The following ZNF431 variants were observed in gnomAD, a reference collection of about 807,000 sequenced individuals.
ZNF431 encodes the protein zinc finger protein 431.
A neutral mutation model predicts 57.0 loss-of-function variants in ZNF431; 34 were observed. The ratio of observed to expected loss-of-function variants is 0.60; its 90% confidence interval spans 0.45 to 0.79. The LOEUF (loss-of-function observed/expected upper bound fraction) is 0.79. Ranked by LOEUF, ZNF431 falls within the 30% of genes least tolerant of loss-of-function variation. The probability of loss-of-function intolerance (pLI) is 0.00; values close to 1 mark genes in which losing one functional copy is unlikely to be tolerated. For missense variants in ZNF431, 607 were observed against 667.1 expected, an observed-to-expected ratio of 0.91 and a Z score of 0.99; for synonymous variants, 207 against 220.3, an observed-to-expected ratio of 0.94 and a Z score of 0.54.
At chr19:21,159,968 C>T (rs1206338347) in intron 2 of ZNF431, among the ~76,000 whole-genome samples, 2 of 134,912 alleles carry the variant, frequency 1.5e-5, no homozygotes, top group African/African-American at 5.6e-5. Context: ...TACTTATATT[C>T]ATGTTGCCTC....
chr19:21,173,672 C>A (rs1057335423), intron 4 of ZNF431, among the ~76,000 whole-genome samples: 4 of 151,832 alleles, frequency 2.6e-5, no homozygotes, highest in Non-Finnish European at 5.9e-5. Flanking sequence ...GTTACAGGTG[C>A]CCGCCACCAT....
chr19:21,174,090 C>T (rs1028130701), intron 4 of ZNF431, among the ~76,000 whole-genome samples: 10 of 151,940 alleles, frequency 6.6e-5, no homozygotes, highest in Admixed American at 3.3e-4. Context: ...GGATTACAGG[C>T]GCCAAAATTA....
intron 2 of ZNF431, among the ~76,000 whole-genome samples, chr19:21,146,692 T>C (rs539877035): frequency 6.6e-6 from 1 of 152,332 alleles, no homozygotes; most frequent in African/African-American, 2.4e-5. Flanking sequence ...TAGGTTTTAT[T>C]TGACTTCTTT....
intron 4 of ZNF431, among the ~76,000 whole-genome samples, chr19:21,171,712 ATT>A (rs550012306): frequency 0.014 from 1,240 of 90,812 alleles, 10 homozygotes; most frequent in Non-Finnish European, 0.016. Context: ...ATATATATAT[ATT>A]TTTTTTTTTT....
At chr19:21,169,072 A>G (rs1166492097) in intron 4 of ZNF431, among the ~76,000 whole-genome samples, 1 of 151,892 alleles carries the variant, frequency 6.6e-6, no homozygotes, top group Non-Finnish European at 1.5e-5. Context: ...GCACCAGCCC[A>G]GCTAAATTTT....
intron 4 of ZNF431, among the ~76,000 whole-genome samples, chr19:21,178,146 T>G (rs1971112537): frequency 6.6e-6 from 1 of 152,160 alleles, no homozygotes; most frequent in East Asian, 1.9e-4. Context: ...ATTGAAATGT[T>G]TGTGATTTTG....
At chr19:21,142,253 G>A (rs376459906) in intron 1 of ZNF431, 67 bp downstream of exon 1, 1 of 1,609,162 alleles carries the variant, frequency 6.2e-7, no homozygotes, top group African/African-American at 1.3e-5. Context: ...GGAAGTGGCT[G>A]TGGCGGGACT....
rs1971298462 is a variant in ZNF431, at chr19:21,184,091, A to G, written c.*57A>G. On this transcript the variant is annotated 3_prime_UTR_variant, in exon 5 of 5. Coordinates refer to ENST00000311048, the MANE Select transcript of ZNF431 (RefSeq NM_133473.4). Reference sequence around the variant, plus strand: ...TTGGCCGGGTGCGGTGGCTTATGCAAAATGGCTCCCAGCATTTTGGGAGGC... The same window carrying G: ...TTGGCCGGGTGCGGTGGCTTATGCAGAATGGCTCCCAGCATTTTGGGAGGC... 6.8e-7 allele frequency: 1 copy of G among 1,461,998 alleles called. No homozygotes were observed. The highest frequency in any genetic ancestry group is 1.5e-5 in the South Asian group (1 of 68,708). The allele number at this position is 1,461,998 out of a possible 1,614,324, so 90.6% of individuals were successfully genotyped here.
In ZNF431 at chr19:21,194,677, C is replaced by G. The variant is rs572657014; in HGVS notation, c.*10643C>G. 3.9e-5 allele frequency: 6 copies of G among 152,134 alleles called. No homozygotes were observed. In the South Asian group the frequency reaches 1.2e-3, roughly 32 times the overall value. The allele number at this position is 152,134 out of a possible 1,614,324, so 9.4% of individuals were successfully genotyped here. On this transcript the variant is annotated 3_prime_UTR_variant, in exon 5 of 5. Transcript: ENST00000311048. ...AGAGATCGAGTTTTGCTGTGTTGGC[C>G]AGGCTGGTCTCAAACTCCCGGCGTC...
chr19:21,153,874 GC>G (rs1970345777), intron 2 of ZNF431, among the ~76,000 whole-genome samples: 2 of 152,078 alleles, frequency 1.3e-5, no homozygotes, highest in African/African-American at 4.8e-5. Flanking sequence ...CCACCACCAT[GC>G]CCGTCTAATT....
chr19:21,160,974 C>T (rs1056992379), intron 2 of ZNF431, among the ~76,000 whole-genome samples: 1 of 152,080 alleles, frequency 6.6e-6, no homozygotes. Context: ...TCAAGACTAT[C>T]CTGGCCAACA....
chr19:21,183,052 A>G lies in ZNF431; in HGVS notation c.749A>G (p.His250Arg). The G allele has an allele frequency of 6.2e-7, 1 of 1,614,132 alleles. No individual in the cohort carries two copies. The highest frequency in any genetic ancestry group is 8.5e-7 in the Non-Finnish European group (1 of 1,179,962). The change falls in exon 5 of 5, where the codon CAC (histidine) becomes CGC (arginine). Residue 250 changes from histidine to arginine, a missense_variant. His to Arg is a conservative substitution (Grantham distance 29). Coordinates refer to ENST00000311048, the MANE Select transcript of ZNF431 (RefSeq NM_133473.4). ...AAATGGTTCTCAACCCTTACTAGAC[A>G]CAAGAGAATTCATACTGGAGAGAAA... ...AFKWFSTLTR[H>R]KRIHTGEKPF...
Position 21,189,898 on chromosome 19 carries a change from C to T in ZNF431, c.*5864C>T. The T allele has an allele frequency of 2.5e-6, 1 of 397,974 alleles. No individual in the cohort carries two copies. The highest frequency in any genetic ancestry group is 4.4e-6 in the Non-Finnish European group (1 of 226,030). 24.7% of individuals were successfully genotyped at this position (397,974 alleles called of 1,614,324 possible). On this transcript the variant is annotated 3_prime_UTR_variant, in exon 5 of 5. Transcript: ENST00000311048. ...TGGTGGCTCACACCTGTAATCCCAG[C>T]TCTGGGAGGCCAAGGCCAGTGGATT...
Position 21,184,029 on chromosome 19 carries a change from CT to C in ZNF431, c.1729del (p.Ter577LysfsTer10), listed in dbSNP as rs1971295259. On this transcript the variant is annotated frameshift_variant, in exon 5 of 5. Coordinates refer to ENST00000311048, the MANE Select transcript of ZNF431 (RefSeq NM_133473.4). LOFTEE classifies it high-confidence loss of function. ...ACAAATGTCAAGAATGTGGGAAAGC[CT>C]TTAAGCAGTCCTCAACTCTTACTAA... ...TLQMSRMWES[L>X] 2.6e-6 allele frequency: 4 copies of C among 1,561,462 alleles called. No individual in the cohort carries two copies. The highest frequency in any genetic ancestry group is 2.7e-5 in the African/African-American group (2 of 72,966).
chr19:21,165,744 T>C (rs910876827), intron 2 of ZNF431, among the ~76,000 whole-genome samples: 10 of 152,122 alleles, frequency 6.6e-5, no homozygotes, highest in South Asian at 2.1e-4. Flanking sequence ...GTGTCTGTCT[T>C]TGGAAAATGA....
chr19:21,182,233 AGATGTATGTGCCAGTGTTTTAC>A (rs1971226567), intron 4 of ZNF431, among the ~76,000 whole-genome samples: 1 of 152,210 alleles, frequency 6.6e-6, no homozygotes, highest in Non-Finnish European at 1.5e-5. Flanking sequence ...CAAGTAATAT[AGATGTATGTGCCAGTGTTTTAC>A]TTGTTTATTA....
At chr19:21,174,776 AT>A (rs1325001443) in intron 4 of ZNF431, among the ~76,000 whole-genome samples, 1 of 151,612 alleles carries the variant, frequency 6.6e-6, no homozygotes, top group Non-Finnish European at 1.5e-5. Flanking sequence ...ATGTATTTTT[AT>A]TTTTATTTTT....
In ZNF431 at chr19:21,182,986, G is replaced by C; in HGVS notation, c.683G>C (p.Arg228Thr). ...AGTCAACATAAAAGAATTCATATTA[G>C]AGAGAATTCTTACCAATGTGAAGAA... ...HLSQHKRIHI[R>T]ENSYQCEECG... The change falls in exon 5 of 5, where the codon AGA becomes ACA. Residue 228 changes from arginine to threonine, a missense_variant. Physicochemically the swap from Arg to Thr is moderately conservative, Grantham distance 71. Transcript: ENST00000311048. 6.2e-7 allele frequency: 1 copy of C among 1,614,088 alleles called. No homozygotes were observed. Among genetic ancestry groups the C allele is most frequent in the South Asian group, 1.1e-5 (1 of 91,072 alleles).
intron 2 of ZNF431, among the ~76,000 whole-genome samples, chr19:21,148,980 T>G (rs1970189286): frequency 6.6e-6 from 1 of 152,226 alleles, no homozygotes; most frequent in South Asian, 2.1e-4. Flanking sequence ...CTTTAAATTG[T>G]ACAACATTTC....
Sources: allele counts gnomAD v4.1 joint callset (sites outside exome capture counted in the v4.1 genomes callset), GRCh38; gene constraint gnomAD v4.1.1; transcripts MANE v1.5; gene names NCBI Gene and HGNC (gene_info 2026-07-23, HGNC 2026-07-21).